SLC25A21: variants seen among roughly 807,000 people sequenced by gnomAD.
SLC25A21 encodes mitochondrial 2-oxodicarboxylate carrier.
A neutral mutation model predicts 43.8 loss-of-function variants in SLC25A21; 47 were observed. The observed-to-expected ratio is 1.07, with a 90% CI of 0.85 to 1.37. SLC25A21 has a LOEUF of 1.37. Among genes scored for constraint, SLC25A21 ranks in the 40% most tolerant of loss-of-function variants. The pLI, the probability that SLC25A21 is intolerant of heterozygous loss-of-function variation, is 0.00. For synonymous variants in SLC25A21, 131 were observed against 121.3 expected (o/e 1.08, Z -0.52); for missense variants, 352 against 350.2 (o/e 1.00, Z -0.04).
intron 2 of SLC25A21, 50 bp from the exon 3 acceptor site, chr14:36,814,051 G>T: frequency 7.9e-7 from 1 of 1,271,288 alleles, no homozygotes; most frequent in Non-Finnish European, 1.1e-6. Context: ...TTTGCCAAAT[G>T]GCTTTTCTCA....
Position 37,045,240 on chromosome 14 carries a change from A to G in SLC25A21, c.70+127041T>C, listed in dbSNP as rs186301654. Among the ~76,000 whole-genome samples, 20 of 152,382 alleles carry G rather than the reference A, an allele frequency of 1.3e-4. No individual in the cohort carries two copies. In the East Asian group the frequency reaches 3.3e-3, roughly 25 times the overall value. ...TCTCTATGTTGTAAATTTCTAGAGA[A>G]TATGAAAAGTTTGTGGTGTAATACA... On this transcript the variant is annotated intron_variant, in intron 1 of 9. Coordinates refer to ENST00000331299, the MANE Select transcript of SLC25A21 (RefSeq NM_030631.4).
intron 5 of SLC25A21, among the ~76,000 whole-genome samples, chr14:36,728,256 G>A (rs1884678322): frequency 6.6e-6 from 1 of 152,166 alleles, no homozygotes; most frequent in Admixed American, 6.5e-5. Flanking sequence ...CATGCATTTG[G>A]TTATAGTAGC....
intron 1 of SLC25A21, among the ~76,000 whole-genome samples, chr14:36,957,219 C>T (rs375750274): frequency 1.2e-3 from 188 of 152,290 alleles, no homozygotes; most frequent in Non-Finnish European, 1.9e-3. Flanking sequence ...ATTCCTGGGC[C>T]TGGTGCAGCT....
intron 6 of SLC25A21, among the ~76,000 whole-genome samples, chr14:36,722,594 T>TA (rs1447204057): frequency 1.3e-5 from 2 of 152,118 alleles, no homozygotes; most frequent in Non-Finnish European, 2.9e-5. Context: ...AAAATTGCTC[T>TA]AAAAATAGTC....
chr14:36,852,962 A>G (rs570848568), intron 2 of SLC25A21, among the ~76,000 whole-genome samples: 1 of 152,144 alleles, frequency 6.6e-6, no homozygotes, highest in South Asian at 2.1e-4. Context: ...GAACATTTAA[A>G]ATCTGCTAGA....
chr14:37,120,820 A>C (rs1160543592), intron 1 of SLC25A21, among the ~76,000 whole-genome samples: 1 of 152,168 alleles, frequency 6.6e-6, no homozygotes, highest in African/African-American at 2.4e-5. Context: ...GTTTCTCCAT[A>C]TATAAATCAG....
chr14:37,011,051 T>A (rs2138738981), intron 1 of SLC25A21, among the ~76,000 whole-genome samples: 1 of 152,296 alleles, frequency 6.6e-6, no homozygotes, highest in East Asian at 1.9e-4. Flanking sequence ...CCTGCCCAGC[T>A]AATTTTTGTA....
chr14:36,965,505 G>A (rs971550711), intron 1 of SLC25A21, among the ~76,000 whole-genome samples: 9 of 152,106 alleles, frequency 5.9e-5, no homozygotes, highest in African/African-American at 2.2e-4. Flanking sequence ...TGCAGACAAT[G>A]TTATAGTTTC....
intron 1 of SLC25A21, among the ~76,000 whole-genome samples, chr14:37,069,353 T>C (rs899114913): frequency 2.0e-5 from 3 of 152,328 alleles, no homozygotes; most frequent in South Asian, 2.1e-4. Context: ...TGATAAATTA[T>C]AGAGTATCTG....
chr14:37,058,209 A>G (rs1283116254), intron 1 of SLC25A21, among the ~76,000 whole-genome samples: 1 of 152,232 alleles, frequency 6.6e-6, no homozygotes, highest in African/African-American at 2.4e-5. Flanking sequence ...AAATAAGTTC[A>G]GAAAATATTT....
chr14:36,966,114 G>A (rs187060868), intron 1 of SLC25A21, among the ~76,000 whole-genome samples: 11 of 152,208 alleles, frequency 7.2e-5, no homozygotes, highest in Admixed American at 5.9e-4. Context: ...GTGGAAATTC[G>A]CTAGCACTGT....
intron 1 of SLC25A21, among the ~76,000 whole-genome samples, chr14:37,077,992 G>C (rs1277931851): frequency 6.6e-6 from 1 of 150,900 alleles, no homozygotes; most frequent in Non-Finnish European, 1.5e-5. Flanking sequence ...CTCAGTGAGA[G>C]TTACATTTCC....
chr14:36,973,127 T>G (rs986520744), intron 1 of SLC25A21, among the ~76,000 whole-genome samples: 1 of 151,982 alleles, frequency 6.6e-6, no homozygotes, highest in Non-Finnish European at 1.5e-5. Context: ...GAGTCAAATT[T>G]ATTCAGTAGG....
At chr14:37,010,779 C>G (rs1418592873) in intron 1 of SLC25A21, among the ~76,000 whole-genome samples, 3 of 152,092 alleles carry the variant, frequency 2.0e-5, no homozygotes, top group Non-Finnish European at 2.9e-5. Context: ...GGGTCTTGAT[C>G]TTTCTACCAG....
chr14:36,882,879 C>T (rs1225739045), intron 1 of SLC25A21, among the ~76,000 whole-genome samples: 2 of 151,878 alleles, frequency 1.3e-5, no homozygotes, highest in Non-Finnish European at 2.9e-5. Context: ...ATTCTGGATG[C>T]TTCCGTCTCT....
chr14:36,911,713 C>G (rs531594711), intron 1 of SLC25A21, among the ~76,000 whole-genome samples: 4 of 152,254 alleles, frequency 2.6e-5, no homozygotes, highest in East Asian at 3.9e-4. Flanking sequence ...GCCCCAGCCA[C>G]TATCTGATTG....
Position 36,702,120 on chromosome 14 carries a change from C to T in SLC25A21, c.603+9198G>A, listed in dbSNP as rs184550129. Among the ~76,000 whole-genome samples the T allele has an allele frequency of 5.2e-3, 784 of 152,118 alleles. 9 individuals are homozygous for T. Among genetic ancestry groups the T allele is most frequent in the African/African-American group, 0.018 (745 of 41,500 alleles). ...GAGTAAGTTGCCTTTATATTATGTG[C>T]CTAAAACATTCTGGTCAAGCTAACC... On this transcript the variant is annotated intron_variant, in intron 7 of 9. Transcript: ENST00000331299.
intron 1 of SLC25A21, among the ~76,000 whole-genome samples, chr14:37,150,356 C>T (rs568176859): frequency 5.3e-5 from 8 of 152,196 alleles, no homozygotes; most frequent in East Asian, 1.9e-4. Flanking sequence ...TCAAATTTTA[C>T]GGCAAGAACC....
chr14:37,060,429 G>A (rs1961923434), intron 1 of SLC25A21, among the ~76,000 whole-genome samples: 1 of 146,216 alleles, frequency 6.8e-6, no homozygotes, highest in South Asian at 2.1e-4. Flanking sequence ...TAATAATGAT[G>A]TAACCCAAGA....
Sources: allele counts gnomAD v4.1 joint callset (sites outside exome capture counted in the v4.1 genomes callset), GRCh38; gene constraint gnomAD v4.1.1; transcripts MANE v1.5; gene names NCBI Gene and HGNC (gene_info 2026-07-23, HGNC 2026-07-21).